FAM133A: variants seen among roughly 807,000 people sequenced by gnomAD.
FAM133A encodes family with sequence similarity 133 member A.
For missense variants in FAM133A, 159 were observed against 164.4 expected, an observed-to-expected ratio of 0.97 and a Z score of 0.18; for synonymous variants, 65 against 58.6, an observed-to-expected ratio of 1.11 and a Z score of -0.50.
intron 2 of FAM133A, among the ~76,000 whole-genome samples, chrX:93,687,328 G>C (rs944537238): frequency 2.7e-5 from 3 of 110,736 alleles, no homozygotes; most frequent in African/African-American, 9.9e-5. Flanking sequence ...TGGACTTTGA[G>C]GACTCGGATG....
intron 2 of FAM133A, among the ~76,000 whole-genome samples, chrX:93,683,668 C>G (rs1264940368): frequency 9.0e-6 from 1 of 111,526 alleles, no homozygotes; most frequent in Non-Finnish European, 1.9e-5. Context: ...GCATCATCAC[C>G]TGCATTTGTT....
At position 93,709,784 on chromosome X, in the gene FAM133A, A is replaced by G. The variant is rs1185889225; in HGVS notation, c.365A>G (p.Asp122Gly). The change falls in exon 4 of 4, where the codon GAT (aspartate) becomes GGT (glycine). Residue 122 changes from aspartate to glycine, a missense_variant. By Grantham distance (94) the Asp-to-Gly change is moderately conservative (BLOSUM62 -1). Coordinates refer to ENST00000683942, the MANE Select transcript of FAM133A (RefSeq NM_001171109.2). ...DSSSSSSDSE[D>G]EEKKQGKRRK... ...TCAAGCAGTTCTTCAGATTCTGAGGATGAGGAAAAGAAACAAGGAAAAAGG... is the reference window on the plus strand; with the variant it reads ...TCAAGCAGTTCTTCAGATTCTGAGGGTGAGGAAAAGAAACAAGGAAAAAGG... 2 of 1,195,372 alleles carry G rather than the reference A, an allele frequency of 1.7e-6. No individual in the cohort carries two copies. The highest frequency in any genetic ancestry group is 2.3e-6 in the Non-Finnish European group (2 of 886,783).
intron 2 of FAM133A, among the ~76,000 whole-genome samples, chrX:93,681,566 A>T (rs912563819): frequency 8.1e-5 from 9 of 111,700 alleles, no homozygotes; most frequent in African/African-American, 2.9e-4. Context: ...ATGATAGCTA[A>T]CACTTCACAA....
intron 2 of FAM133A, among the ~76,000 whole-genome samples, chrX:93,680,926 A>C (rs1040296243): frequency 1.8e-4 from 20 of 111,330 alleles, no homozygotes; most frequent in African/African-American, 6.5e-4. Context: ...ATTGTGCAAA[A>C]ACTTTTTAGT....
intron 2 of FAM133A, among the ~76,000 whole-genome samples, chrX:93,685,649 C>T (rs1023445519): frequency 1.8e-5 from 2 of 111,309 alleles, no homozygotes; most frequent in Admixed American, 9.5e-5. Context: ...CCATGAAAAC[C>T]GATAGAATAT....
chrX:93,694,338 T>C (rs1311519043), intron 2 of FAM133A, among the ~76,000 whole-genome samples: 1 of 111,414 alleles, frequency 9.0e-6, no homozygotes, highest in East Asian at 2.8e-4. Flanking sequence ...TCTTGAGATC[T>C]CTTTAAAAGT....
Position 93,711,182 on chromosome X carries a change from A to C in FAM133A, c.*1016A>C, listed in dbSNP as rs1927423786. ...TTGCCAAAATATTTAGCATGTGAAAAGGTTTTTTTTAAAAAATATGTAATG... is the reference window on the plus strand; with the variant it reads ...TTGCCAAAATATTTAGCATGTGAAACGGTTTTTTTTAAAAAATATGTAATG... On this transcript the variant is annotated 3_prime_UTR_variant, in exon 4 of 4. Transcript: ENST00000683942. The C allele has an allele frequency of 1.6e-5, 2 of 122,734 alleles. No individual in the cohort carries two copies. Among genetic ancestry groups the C allele is most frequent in the Admixed American group, 9.6e-5 (1 of 10,412 alleles). 10.1% of individuals were successfully genotyped at this position (122,734 alleles called of 1,213,427 possible).
chrX:93,704,419 G>T, intron 3 of FAM133A, among the ~76,000 whole-genome samples: 1 of 110,216 alleles, frequency 9.1e-6, no homozygotes, highest in South Asian at 3.8e-4. Context: ...GAACATTAAG[G>T]TTTTTTTTTA....
chrX:93,682,119 C>T (rs1332009011), intron 2 of FAM133A, among the ~76,000 whole-genome samples: 1 of 111,667 alleles, frequency 9.0e-6, no homozygotes, highest in East Asian at 2.8e-4. Flanking sequence ...CAAGCTGTGT[C>T]CTTTACCCTC....
chrX:93,681,549 C>T (rs1345665316), intron 2 of FAM133A, among the ~76,000 whole-genome samples: 1 of 111,430 alleles, frequency 9.0e-6, no homozygotes, highest in Non-Finnish European at 1.9e-5. Context: ...TTGATACTTT[C>T]AAGGTGATGA....
At position 93,711,519 on chromosome X, in the gene FAM133A, A is replaced by C. The variant is rs772429397; in HGVS notation, c.*1353A>C. On this transcript the variant is annotated 3_prime_UTR_variant, in exon 4 of 4. Transcript: ENST00000683942. ...ATATATCAGAGTAACATAAATTATAAATTTGTGTCTCAAAACCACCTGTGA... is the reference window on the plus strand; with the variant it reads ...ATATATCAGAGTAACATAAATTATACATTTGTGTCTCAAAACCACCTGTGA... 3.3e-5 allele frequency: 4 copies of C among 122,941 alleles called. No homozygotes were observed. Among genetic ancestry groups the C allele is most frequent in the African/African-American group, 1.3e-4 (4 of 30,778 alleles). The allele number at this position is 122,941 out of a possible 1,213,427, so 10.1% of individuals were successfully genotyped here.
In FAM133A at chrX:93,709,463, C is replaced by G; in HGVS notation, c.44C>G (p.Ala15Gly). 2 of 1,197,074 alleles carry G rather than the reference C, an allele frequency of 1.7e-6. No individual in the cohort carries two copies. The highest frequency in any genetic ancestry group is 2.2e-6 in the Non-Finnish European group (2 of 891,118). Residue 15 changes from alanine to glycine, a missense_variant, in exon 4 of 4, where the codon GCA becomes GGA. Coordinates refer to ENST00000683942, the MANE Select transcript of FAM133A (RefSeq NM_001171109.2). ...CGGGTAGCCTATATGAATCCTATAGCAATGGCCAGATGGAGAGGCCCAACT... is the reference window on the plus strand; with the variant it reads ...CGGGTAGCCTATATGAATCCTATAGGAATGGCCAGATGGAGAGGCCCAACT... ...DNRVAYMNPI[A>G]MARWRGPTQS...
At chrX:93,708,217 G>A (rs959153124) in intron 3 of FAM133A, among the ~76,000 whole-genome samples, 7 of 111,920 alleles carry the variant, frequency 6.3e-5, no homozygotes, top group African/African-American at 2.3e-4. Context: ...TGGCCATGCT[G>A]GCTAAGCCTA....
intron 2 of FAM133A, among the ~76,000 whole-genome samples, chrX:93,692,916 A>C (rs1281202237): frequency 8.9e-6 from 1 of 111,734 alleles, no homozygotes; most frequent in Non-Finnish European, 1.9e-5. Flanking sequence ...AATATAGGGC[A>C]GAAGGAAATT....
intron 2 of FAM133A, among the ~76,000 whole-genome samples, chrX:93,693,829 C>T (rs1038080664): frequency 8.9e-6 from 1 of 111,801 alleles, no homozygotes; most frequent in African/African-American, 3.2e-5. Flanking sequence ...GAAGTAACAA[C>T]AAGGTTAGCA....
chrX:93,690,104 T>C (rs990179144), intron 2 of FAM133A, among the ~76,000 whole-genome samples: 9 of 110,300 alleles, frequency 8.2e-5, no homozygotes, highest in African/African-American at 2.3e-4. Context: ...AGTGTTAGTA[T>C]AGAAGTAGAA....
At position 93,711,706 on chromosome X, in the gene FAM133A, A is replaced by G. The variant is rs998162278; in HGVS notation, c.*1540A>G. ...ATCTACATAAACATGTTGGCTGCCA[A>G]ATTTTTTGCATTGGAAATACTGGAA... On this transcript the variant is annotated 3_prime_UTR_variant, in exon 4 of 4. Transcript: ENST00000683942. 1 of 122,542 alleles carries G rather than the reference A, an allele frequency of 8.2e-6. No homozygotes were observed. Among genetic ancestry groups the G allele is most frequent in the African/African-American group, 3.3e-5 (1 of 30,617 alleles). 10.1% of individuals were successfully genotyped at this position (122,542 alleles called of 1,213,427 possible). A position where few individuals can be genotyped will look rare whatever the true frequency, so the allele number is the denominator to read the frequency against.
chrX:93,708,277 G>A (rs1180454183), intron 3 of FAM133A, among the ~76,000 whole-genome samples: 1 of 112,094 alleles, frequency 8.9e-6, no homozygotes, highest in African/African-American at 3.2e-5. Flanking sequence ...GAAAAAAGGT[G>A]AGTGAAACAA....
intron 2 of FAM133A, among the ~76,000 whole-genome samples, chrX:93,675,475 G>T (rs972358498): frequency 5.4e-5 from 6 of 111,100 alleles, no homozygotes; most frequent in Non-Finnish European, 1.9e-5. Flanking sequence ...CTGTTATAGG[G>T]TGGCCATTTC....
Sources: allele counts gnomAD v4.1 joint callset (sites outside exome capture counted in the v4.1 genomes callset), GRCh38; gene constraint gnomAD v4.1.1; transcripts MANE v1.5; gene names NCBI Gene and HGNC (gene_info 2026-07-23, HGNC 2026-07-21).